The following EXOC6 variants were observed in gnomAD, a reference collection of about 807,000 sequenced individuals.
EXOC6 encodes exocyst complex component 6.
EXOC6 carries 60 observed loss-of-function variants against 112.5 expected under a neutral mutation model. That is an observed-to-expected ratio of 0.53 (90% confidence interval 0.43 to 0.66). The LOEUF is 0.66. Ranked by LOEUF, EXOC6 falls within the 30% of genes least tolerant of loss-of-function variation. The probability of loss-of-function intolerance (pLI) is 0.00; values close to 1 mark genes in which losing one functional copy is unlikely to be tolerated. For missense variants in EXOC6, 855 were observed against 957.1 expected (o/e 0.89, Z 1.41); for synonymous variants, 295 against 308.0 (o/e 0.96, Z 0.44).
rs146879912 is a variant in EXOC6, at chr10:92,924,954, G to T, written c.889-3385G>T. Among the ~76,000 whole-genome samples the T allele has an allele frequency of 5.6e-3, 847 of 152,192 alleles. 6 individuals carry two copies. Among genetic ancestry groups the T allele is most frequent in the African/African-American group, 0.017 (700 of 41,514 alleles). On this transcript the variant is annotated intron_variant, in intron 8 of 21. Coordinates refer to ENST00000260762, the MANE Select transcript of EXOC6 (RefSeq NM_019053.6). ...TCTGTTCCTGAGTTCTGTCACTTAG[G>T]ATAATGGTCTCTAGTTCCATCCAGG...
intron 18 of EXOC6, among the ~76,000 whole-genome samples, chr10:92,985,801 C>T (rs1169593127): frequency 6.6e-6 from 1 of 151,956 alleles, no homozygotes; most frequent in Non-Finnish European, 1.5e-5. Flanking sequence ...TGATTGAAAA[C>T]TGTAAAGGAA....
chr10:92,967,509 A>G (rs1475256075), intron 17 of EXOC6, among the ~76,000 whole-genome samples: 1 of 152,196 alleles, frequency 6.6e-6, no homozygotes, highest in Non-Finnish European at 1.5e-5. Flanking sequence ...ACTAAAAAAG[A>G]GAATTAAAGC....
intron 8 of EXOC6, among the ~76,000 whole-genome samples, chr10:92,922,976 G>C (rs1332692425): frequency 6.6e-6 from 1 of 152,176 alleles, no homozygotes; most frequent in Non-Finnish European, 1.5e-5. Context: ...TGTTTGGGAA[G>C]CCCAACCTGT....
chr10:93,015,603 CAT>C (rs1564912332), intron 20 of EXOC6, among the ~76,000 whole-genome samples: 2 of 152,122 alleles, frequency 1.3e-5, no homozygotes, highest in African/African-American at 4.8e-5. Flanking sequence ...CGTGGTGGCA[CAT>C]GCCTGTAGTC....
chr10:93,006,964 T>C (rs1382607880), intron 19 of EXOC6, among the ~76,000 whole-genome samples: 1 of 152,160 alleles, frequency 6.6e-6, no homozygotes, highest in Admixed American at 6.6e-5. Flanking sequence ...TTCCCTCTTA[T>C]GACTCCATGG....
intron 18 of EXOC6, among the ~76,000 whole-genome samples, chr10:92,994,587 G>T (rs1589996332): frequency 6.6e-6 from 1 of 152,088 alleles, no homozygotes; most frequent in African/African-American, 2.4e-5. Context: ...ATTTTGAGGT[G>T]CTTGAAATTT....
intron 20 of EXOC6, among the ~76,000 whole-genome samples, chr10:93,023,080 G>A (rs1173918803): frequency 6.9e-6 from 1 of 145,958 alleles, no homozygotes; most frequent in East Asian, 2.0e-4. Flanking sequence ...AGGCAAAAGA[G>A]CCCTTTTCAT....
rs529387441 is a variant in EXOC6 at position 92,827,422 on chromosome 10, C to T, written c.-27+478C>T. Among the ~76,000 whole-genome samples, 14 of 124,104 alleles carry T rather than the reference C, an allele frequency of 1.1e-4. No homozygotes were observed. The South Asian group carries it at 1.3e-3, about 11-fold the overall frequency. The allele number at this position is 124,104 out of a possible 152,430, so 81.4% of individuals were successfully genotyped here. A position where few individuals can be genotyped will look rare whatever the true frequency, so the allele number is the denominator to read the frequency against. ...CCAGGAGGCGGAGGTTGCAGTGAGA[C>T]GAGATGGCACCACTGCACTGCAGCC... On this transcript the variant is annotated intron_variant, in intron 1 of 22. Coordinates refer to the EXOC6 transcript ENST00000671701.
chr10:92,925,491 C>T (rs1303957078), intron 8 of EXOC6, among the ~76,000 whole-genome samples: 1 of 152,000 alleles, frequency 6.6e-6, no homozygotes, highest in African/African-American at 2.4e-5. Flanking sequence ...AACAGGGTTT[C>T]ACCATGTTGG....
chr10:92,975,264 T>A (rs1318852407), intron 18 of EXOC6, among the ~76,000 whole-genome samples: 1 of 150,712 alleles, frequency 6.6e-6, no homozygotes, highest in Non-Finnish European at 1.5e-5. Flanking sequence ...CGCGACCCCG[T>A]CTGGGAGGTG....
intron 20 of EXOC6, among the ~76,000 whole-genome samples, chr10:93,049,001 C>T (rs897067413): frequency 6.6e-6 from 1 of 151,848 alleles, no homozygotes; most frequent in African/African-American, 2.4e-5. Context: ...TAGATATATA[C>T]CCAAGAGAAA....
upstream of EXOC6, among the ~76,000 whole-genome samples, chr10:92,832,055 T>G (rs1846501453): frequency 6.6e-6 from 1 of 152,250 alleles, no homozygotes; most frequent in African/African-American, 2.4e-5. Flanking sequence ...AATTTTCTTC[T>G]CTTCAATGTA....
chr10:92,916,004 T>G, intron 7 of EXOC6, 91 bp downstream of exon 7: 2 of 946,438 alleles, frequency 2.1e-6, no homozygotes, highest in Non-Finnish European at 1.5e-6. Context: ...TCTTCCTGTA[T>G]GCAAAATAAA....
chr10:92,833,103 C>T (rs1245079142), upstream of EXOC6, among the ~76,000 whole-genome samples: 1 of 152,132 alleles, frequency 6.6e-6, no homozygotes, highest in Non-Finnish European at 1.5e-5. Flanking sequence ...GGGTTGGGGG[C>T]TATTGGTGGG....
chr10:93,011,201 T>G lies in EXOC6; in HGVS notation c.2096-2993T>G, dbSNP rs1202447372. On this transcript the variant is annotated intron_variant, in intron 19 of 21. Coordinates refer to ENST00000260762, the MANE Select transcript of EXOC6 (RefSeq NM_019053.6). ...AGCCTTGGTTGAGAACCACTAGGGA[T>G]TTATGGTTTTTTTTTGTGACCAAAA... is the stretch of plus-strand genomic sequence containing the variant. Among the ~76,000 whole-genome samples, 3 of 151,520 alleles carry G rather than the reference T, an allele frequency of 2.0e-5. No individual in the cohort carries two copies. The East Asian group carries it at 5.8e-4, about 29-fold the overall frequency.
At chr10:93,015,335 G>T (rs1844450258) in intron 20 of EXOC6, among the ~76,000 whole-genome samples, 1 of 152,132 alleles carries the variant, frequency 6.6e-6, no homozygotes, top group Admixed American at 6.5e-5. Flanking sequence ...TTCATTATTT[G>T]CAGAGGAAAG....
intron 1 of EXOC6, among the ~76,000 whole-genome samples, chr10:92,874,260 A>G (rs1013891842): frequency 5.3e-5 from 8 of 152,154 alleles, no homozygotes; most frequent in African/African-American, 1.9e-4. Context: ...GTGTTGTGAA[A>G]AAACTAAAAG....
At chr10:92,847,835 C>CTTTTTT (rs3078184), upstream of EXOC6, among the ~76,000 whole-genome samples, 1 of 93,652 alleles carries the variant, frequency 1.1e-5, no homozygotes, top group Non-Finnish European at 2.0e-5. Flanking sequence ...CGCCCTGGGC[C>CTTTTTT]TTTTTTTTTT....
intron 20 of EXOC6, among the ~76,000 whole-genome samples, chr10:93,046,747 A>G (rs902484802): frequency 2.6e-5 from 4 of 151,872 alleles, no homozygotes; most frequent in African/African-American, 9.7e-5. Flanking sequence ...ACAGGTGCCC[A>G]CCACCACGCC....
Sources: gnomAD v4.1 joint callset for allele counts (sites outside exome capture counted in the v4.1 genomes callset) on GRCh38, gnomAD v4.1.1 for gene constraint, MANE v1.5 for transcripts, NCBI Gene and HGNC (gene_info 2026-07-23, HGNC 2026-07-21) for gene names.